RIN2: variants seen among roughly 807,000 people sequenced by gnomAD.
RIN2 encodes Ras and Rab interactor 2, also known as RAB5 interacting protein 2.
RIN2 carries 36 observed loss-of-function variants against 78.0 expected under a neutral mutation model. The observed-to-expected ratio is 0.46, with a 90% CI of 0.35 to 0.61. The LOEUF (loss-of-function observed/expected upper bound fraction) is 0.61, where lower values mean the gene tolerates loss of function less well. RIN2 is among the 20% of genes least tolerant of loss of function. The pLI is 0.00. For missense variants in RIN2, 1,087 were observed against 1,159.7 expected (o/e 0.94, Z 0.91); for synonymous variants, 466 against 466.8 (o/e 1.00, Z 0.02).
At chr20:19,892,461 G>A (rs144962522) in intron 3 of RIN2, among the ~76,000 whole-genome samples, 2,345 of 152,204 alleles carry the variant, frequency 0.015, 27 homozygotes, top group Middle Eastern at 0.031. Flanking sequence ...TGATCCACCC[G>A]CCTCAGCCCC....
intron 10 of RIN2, 38 bp downstream of exon 10, chr20:19,990,349 C>G (rs2042761209): frequency 1.3e-6 from 2 of 1,570,332 alleles, no homozygotes; most frequent in African/African-American, 2.7e-5. Context: ...TGCCGCTTCC[C>G]TTCCGGGCCG....
At position 19,986,298 on chromosome 20, in the gene RIN2, C is replaced by G. The variant is rs2146367714; in HGVS notation, c.1763-3708C>G. Among the ~76,000 whole-genome samples the G allele has an allele frequency of 2.0e-5, 3 of 151,930 alleles. 1 individual carries two copies. The highest frequency in any genetic ancestry group is 6.8e-3 in the Middle Eastern group (2 of 294). ...CTCTTTTCATTTAGGCTCTTGTCCC[C>G]TACTCTTTATGTTTATTAAGGATTT... On this transcript the variant is annotated intron_variant, in intron 9 of 12. Transcript: ENST00000255006.
chr20:19,872,846 T>A (rs1396916827), intron 2 of RIN2, among the ~76,000 whole-genome samples: 3 of 152,212 alleles, frequency 2.0e-5, no homozygotes, highest in Non-Finnish European at 4.4e-5. Context: ...CCATTGATTA[T>A]GATGCTCACT....
chr20:19,809,251 A>G (rs7273419), intron 2 of RIN2: 41,010 of 152,396 alleles, frequency 0.27, 9,316 homozygotes, highest in African/African-American at 0.62. Flanking sequence ...AGAGCTGCCC[A>G]ACCAGGAAAT....
intron 3 of RIN2, among the ~76,000 whole-genome samples, chr20:19,893,847 C>T (rs1460569384): frequency 6.6e-6 from 1 of 152,156 alleles, no homozygotes; most frequent in Non-Finnish European, 1.5e-5. Context: ...GCAAGGTGGG[C>T]AGATCACTTG....
chr20:19,817,106 A>G (rs1197283422), intron 2 of RIN2, among the ~76,000 whole-genome samples: 2 of 152,214 alleles, frequency 1.3e-5, no homozygotes, highest in Non-Finnish European at 2.9e-5. Flanking sequence ...ATAATGGGGA[A>G]TCAACAGTCT....
chr20:19,961,037 G>C (rs1255397781), intron 6 of RIN2, among the ~76,000 whole-genome samples: 1 of 152,182 alleles, frequency 6.6e-6, no homozygotes, highest in Non-Finnish European at 1.5e-5. Context: ...TGAATATAAA[G>C]TGTGCAGCCT....
At chr20:19,762,883 C>A (rs1342498824) in intron 1 of RIN2, among the ~76,000 whole-genome samples, 2 of 152,070 alleles carry the variant, frequency 1.3e-5, no homozygotes, top group Admixed American at 1.3e-4. Context: ...CCTGCCTCAG[C>A]CTCCTGAATA....
intron 2 of RIN2, among the ~76,000 whole-genome samples, chr20:19,800,819 T>C (rs1175493465): frequency 6.6e-6 from 1 of 152,258 alleles, no homozygotes; most frequent in Non-Finnish European, 1.5e-5. Flanking sequence ...GTTTGAAGTG[T>C]AAAATATCAT....
At chr20:19,804,845 C>CTGT (rs546347182) in intron 2 of RIN2, among the ~76,000 whole-genome samples, 70 of 151,926 alleles carry the variant, frequency 4.6e-4, no homozygotes, top group Middle Eastern at 3.4e-3. Context: ...TTTTGTTTTG[C>CTGT]TGTTGTTGTT....
Position 19,901,031 on chromosome 20 carries a change from G to A in RIN2, c.57+11373G>A, listed in dbSNP as rs569260268. Among the ~76,000 whole-genome samples, 8 of 151,260 alleles carry A rather than the reference G, an allele frequency of 5.3e-5. No homozygotes were observed. The East Asian group carries it at 5.8e-4, about 11-fold the overall frequency. ...AGAGAATCAGAAACTGCAGGATAAG[G>A]CCCAGCTCTCTCCTGGTGATTCTGA... On this transcript the variant is annotated intron_variant, in intron 3 of 12. Transcript: ENST00000255006.
chr20:19,950,243 C>A (rs755316051), intron 4 of RIN2, among the ~76,000 whole-genome samples: 6 of 152,164 alleles, frequency 3.9e-5, no homozygotes, highest in African/African-American at 1.2e-4. Context: ...TTATACTTTG[C>A]GGGCCATTCT....
intron 1 of RIN2, among the ~76,000 whole-genome samples, chr20:19,771,123 G>A (rs926625226): frequency 2.6e-5 from 4 of 152,190 alleles, no homozygotes; most frequent in South Asian, 2.1e-4. Context: ...GGCCTTTGGC[G>A]TGTTTGTGGA....
At chr20:19,896,215 G>A (rs1250755854) in intron 3 of RIN2, among the ~76,000 whole-genome samples, 20 of 152,040 alleles carry the variant, frequency 1.3e-4, no homozygotes, top group African/African-American at 4.8e-4. Flanking sequence ...TTGAGACAAA[G>A]TCTTGCTCTG....
At chr20:19,997,406 A>C (rs934762395) in intron 12 of RIN2, among the ~76,000 whole-genome samples, 1 of 152,086 alleles carries the variant, frequency 6.6e-6, no homozygotes, top group Admixed American at 6.5e-5. Context: ...CTGCTTGGGA[A>C]TGTGGGACTC....
intron 9 of RIN2, among the ~76,000 whole-genome samples, chr20:19,978,705 C>G (rs1018014687): frequency 4.6e-5 from 7 of 152,188 alleles, no homozygotes; most frequent in African/African-American, 1.7e-4. Flanking sequence ...GCTTGGCTCT[C>G]CTGGTTGGAG....
intron 2 of RIN2, chr20:19,809,118 A>G (rs1600505543): frequency 6.6e-6 from 1 of 152,314 alleles, no homozygotes; most frequent in Non-Finnish European, 1.5e-5. Context: ...ATCAAAAAGG[A>G]AGCCTCCTGA....
chr20:19,897,371 A>T (rs1049637789), intron 3 of RIN2, among the ~76,000 whole-genome samples: 2 of 152,144 alleles, frequency 1.3e-5, no homozygotes, highest in Non-Finnish European at 2.9e-5. Context: ...AGCCTCCTAA[A>T]GTTCTGGGAT....
chr20:19,925,293 A>G (rs960375053), intron 3 of RIN2, among the ~76,000 whole-genome samples: 3 of 152,186 alleles, frequency 2.0e-5, no homozygotes, highest in Admixed American at 2.0e-4. Flanking sequence ...GAATGAAAGG[A>G]CTACAAATAA....
Sources: gnomAD v4.1 joint callset for allele counts (sites outside exome capture counted in the v4.1 genomes callset) on GRCh38, gnomAD v4.1.1 for gene constraint, MANE v1.5 for transcripts, NCBI Gene and HGNC (gene_info 2026-07-23, HGNC 2026-07-21) for gene names.